EYA1: variants seen among roughly 807,000 people sequenced by gnomAD.
The protein encoded by EYA1 is EYA transcriptional coactivator and phosphatase 1.
EYA1 carries 16 observed loss-of-function variants against 82.0 expected under a neutral mutation model. The observed-to-expected ratio is 0.20, with a 90% confidence interval of 0.13 to 0.30. The LOEUF (loss-of-function observed/expected upper bound fraction) is 0.30. Ranked by LOEUF, EYA1 falls within the 10% of genes least tolerant of loss-of-function variation. The pLI is 1.00. For missense variants in EYA1, 633 were observed against 730.7 expected (o/e 0.87, Z 1.54); for synonymous variants, 261 against 264.4 (o/e 0.99, Z 0.12).
chr8:71,446,820 G>A (rs1471667883), intron 2 of EYA1, among the ~76,000 whole-genome samples: 2 of 152,120 alleles, frequency 1.3e-5, no homozygotes, highest in Non-Finnish European at 2.9e-5. Flanking sequence ...TAGCATTACT[G>A]TCTATTTGTC....
chr8:71,461,191 G>A (rs963881641), intron 2 of EYA1, among the ~76,000 whole-genome samples: 1 of 152,138 alleles, frequency 6.6e-6, no homozygotes. Context: ...TGCCCAAGAG[G>A]CACCCAAATT....
chr8:71,488,009 G>C (rs1810698836), intron 2 of EYA1, among the ~76,000 whole-genome samples: 1 of 152,042 alleles, frequency 6.6e-6, no homozygotes, highest in African/African-American at 2.4e-5. Context: ...AATTCCCATA[G>C]CAATTTTATT....
At chr8:71,465,746 C>T (rs1417799147) in intron 2 of EYA1, among the ~76,000 whole-genome samples, 1 of 152,124 alleles carries the variant, frequency 6.6e-6, no homozygotes, top group African/African-American at 2.4e-5. Flanking sequence ...GTGTCCCCTC[C>T]AAAATTCGTG....
chr8:71,546,268 T>G (rs1203341158), intron 1 of EYA1, among the ~76,000 whole-genome samples: 1 of 152,160 alleles, frequency 6.6e-6, no homozygotes, highest in African/African-American at 2.4e-5. Context: ...CTGCTTGCTC[T>G]TTCAATGCAG....
At chr8:71,371,261 C>G (rs947221279) in intron 2 of EYA1, among the ~76,000 whole-genome samples, 1 of 152,078 alleles carries the variant, frequency 6.6e-6, no homozygotes, top group African/African-American at 2.4e-5. Flanking sequence ...GAAGCATGCA[C>G]CATTTTGATA....
chr8:71,463,266 C>T (rs1379830569), intron 2 of EYA1, among the ~76,000 whole-genome samples: 1 of 152,110 alleles, frequency 6.6e-6, no homozygotes. Context: ...GTTTCAGAAG[C>T]CAAAGTGATG....
chr8:71,317,431 G>T, intron 7 of EYA1, 121 bp downstream of exon 7: 1 of 1,031,492 alleles, frequency 9.7e-7, no homozygotes, highest in Non-Finnish European at 1.5e-6. Flanking sequence ...CAGGTGTCCT[G>T]CCTCTAAGCC....
intron 7 of EYA1, among the ~76,000 whole-genome samples, chr8:71,300,998 G>T (rs1820140692): frequency 6.6e-6 from 1 of 151,988 alleles, no homozygotes; most frequent in South Asian, 2.1e-4. Flanking sequence ...TTTTCTACTC[G>T]GAACCTATGT....
intron 1 of EYA1, among the ~76,000 whole-genome samples, chr8:71,543,067 C>T (rs1305030597): frequency 2.6e-5 from 4 of 152,138 alleles, no homozygotes; most frequent in Non-Finnish European, 5.9e-5. Context: ...CCACTTGTTG[C>T]TTTTGTTGCA....
intron 2 of EYA1, among the ~76,000 whole-genome samples, chr8:71,412,316 A>G (rs1337775090): frequency 6.7e-6 from 1 of 150,006 alleles, no homozygotes; most frequent in Non-Finnish European, 1.5e-5. Flanking sequence ...CCAGCATGGC[A>G]CATGTATACA....
rs573950032 is a variant in EYA1 at position 71,455,154 on chromosome 8, T to C, written c.33+80590A>G. Among the ~76,000 whole-genome samples, 13 of 152,234 alleles carry C rather than the reference T, an allele frequency of 8.5e-5. No homozygotes were observed. In the South Asian group the frequency reaches 1.0e-3, roughly 12 times the overall value. On this transcript the variant is annotated intron_variant, in intron 2 of 18. Transcript: ENST00000643681. ...CTCTACACAAATAAACTAGAAAATC[T>C]AGAAGAAATGGATAAATTCCTTGAC...
chr8:71,315,505 C>A (rs1400434185), intron 7 of EYA1, among the ~76,000 whole-genome samples: 1 of 152,192 alleles, frequency 6.6e-6, no homozygotes, highest in African/African-American at 2.4e-5. Flanking sequence ...GACCCTGGGA[C>A]CCCTCCAGCA....
chr8:71,242,941 C>G (rs1812664209), intron 12 of EYA1, among the ~76,000 whole-genome samples: 1 of 147,804 alleles, frequency 6.8e-6, no homozygotes, highest in Non-Finnish European at 1.5e-5. Flanking sequence ...CCACACCCAG[C>G]TAATTTTGTA....
chr8:71,263,422 C>T (rs1325652017), intron 11 of EYA1, among the ~76,000 whole-genome samples: 1 of 152,254 alleles, frequency 6.6e-6, no homozygotes, highest in Non-Finnish European at 1.5e-5. Context: ...CATCCCCACT[C>T]TAGACAACTA....
At chr8:71,269,448 T>C (rs903743028) in intron 11 of EYA1, among the ~76,000 whole-genome samples, 5 of 152,250 alleles carry the variant, frequency 3.3e-5, no homozygotes, top group Admixed American at 1.3e-4. Context: ...ATGTCACTTA[T>C]GTATTTTAAT....
At chr8:71,377,877 A>T (rs1240628457) in intron 2 of EYA1, among the ~76,000 whole-genome samples, 1 of 152,162 alleles carries the variant, frequency 6.6e-6, no homozygotes, top group Non-Finnish European at 1.5e-5. Context: ...GTTTCATCTG[A>T]CATTGCTGTA....
chr8:71,236,242 G>A (rs1811818997), intron 12 of EYA1, among the ~76,000 whole-genome samples: 1 of 152,038 alleles, frequency 6.6e-6, no homozygotes, highest in Admixed American at 6.5e-5. Flanking sequence ...CACCGTGTTG[G>A]TCAGACGGGT....
At chr8:71,280,144 G>A (rs974717107) in intron 9 of EYA1, among the ~76,000 whole-genome samples, 1 of 152,168 alleles carries the variant, frequency 6.6e-6, no homozygotes, top group Non-Finnish European at 1.5e-5. Flanking sequence ...GGGCGTACTT[G>A]TTTACCAGGC....
At chr8:71,500,551 G>GACAA (rs543148236) in intron 2 of EYA1, among the ~76,000 whole-genome samples, 83 of 152,180 alleles carry the variant, frequency 5.5e-4, no homozygotes, top group East Asian at 3.3e-3. Context: ...GTACATAACA[G>GACAA]ACAAACAAAC....
Sources: allele counts gnomAD v4.1 joint callset (sites outside exome capture counted in the v4.1 genomes callset), GRCh38; gene constraint gnomAD v4.1.1; transcripts MANE v1.5; gene names NCBI Gene and HGNC (gene_info 2026-07-23, HGNC 2026-07-21).